PPIG: variants seen among roughly 807,000 people sequenced by gnomAD.
The protein encoded by PPIG is peptidyl-prolyl cis-trans isomerase G.
A neutral mutation model predicts 87.9 loss-of-function variants in PPIG; 26 were observed. The observed-to-expected ratio is 0.30, with a 90% confidence interval of 0.22 to 0.41. PPIG has a LOEUF of 0.41. Among genes scored for constraint, PPIG ranks in the 10% least tolerant of loss-of-function variants. PPIG has a pLI of 1.00. For missense variants in PPIG, 722 were observed against 879.4 expected (o/e 0.82, Z 2.26); for synonymous variants, 308 against 276.5 (o/e 1.11, Z -1.13).
chr2:169,617,657 C>A (rs1484570061), intron 9 of PPIG, among the ~76,000 whole-genome samples: 1 of 151,778 alleles, frequency 6.6e-6, no homozygotes, highest in Admixed American at 6.6e-5. Flanking sequence ...GACTCTCTGT[C>A]TGTTATTGGT....
intron 1 of PPIG, among the ~76,000 whole-genome samples, chr2:169,587,333 C>A (rs1364391473): frequency 6.6e-6 from 1 of 152,078 alleles, no homozygotes; most frequent in Non-Finnish European, 1.5e-5. Context: ...CCTCCGCCTC[C>A]CGGGTTCAAG....
At chr2:169,593,061 A>G (rs1684911313) in intron 1 of PPIG, among the ~76,000 whole-genome samples, 1 of 152,186 alleles carries the variant, frequency 6.6e-6, no homozygotes, top group Admixed American at 6.5e-5. Context: ...CTTGAGTGAT[A>G]GACTCTGAAT....
At chr2:169,598,216 C>G (rs923508761) in intron 1 of PPIG, among the ~76,000 whole-genome samples, 1 of 152,040 alleles carries the variant, frequency 6.6e-6, no homozygotes, top group Non-Finnish European at 1.5e-5. Context: ...CCAGGCTGGT[C>G]TCAAACTCCT....
chr2:169,637,316 A>G lies in PPIG; in HGVS notation c.2058A>G (p.Gln686=), dbSNP rs745477721. 6.2e-7 allele frequency: 1 copy of G among 1,606,482 alleles called. No homozygotes were observed. Among genetic ancestry groups the G allele is most frequent in the Non-Finnish European group, 8.5e-7 (1 of 1,178,376 alleles). Residue 686 remains glutamine, a synonymous_variant, in exon 14 of 14, where the codon CAA becomes CAG. Transcript: ENST00000260970. ...GGGAAAAAAAGGCTGATAGAGATCA[A>G]AGTCCCTTCTCAAAAATAAAACAAA... is the stretch of plus-strand genomic sequence containing the variant. The part of the protein sequence containing the change: ...NSREKKADRD[Q]SPFSKIKQSS...
At chr2:169,591,955 C>A (rs1349023126) in intron 1 of PPIG, among the ~76,000 whole-genome samples, 2 of 104,890 alleles carry the variant, frequency 1.9e-5, no homozygotes, top group African/African-American at 3.8e-5. Flanking sequence ...TGAACAGAGT[C>A]TCACTCTGTT....
chr2:169,609,571 AAAGGTT>A (rs1190563999), intron 7 of PPIG, among the ~76,000 whole-genome samples: 1 of 152,194 alleles, frequency 6.6e-6, no homozygotes, highest in Non-Finnish European at 1.5e-5. Context: ...GAGCCAGGTT[AAAGGTT>A]TCCCACTAGC....
In PPIG at chr2:169,614,736, G is replaced by T. The variant is rs1350116179; in HGVS notation, c.547+12G>T. The T allele has an allele frequency of 6.3e-7, 1 of 1,590,506 alleles. No homozygotes were observed. On this transcript the variant is annotated intron_variant, in intron 9 of 13. Coordinates refer to ENST00000260970, the MANE Select transcript of PPIG (RefSeq NM_004792.3). ...TCCCAAATCTAAAGGTAAAAAGGAA[G>T]TACATATTTCTGAGAATACTTACAC...
chr2:169,595,721 G>A (rs1339832870), intron 1 of PPIG, among the ~76,000 whole-genome samples: 1 of 152,146 alleles, frequency 6.6e-6, no homozygotes, highest in Non-Finnish European at 1.5e-5. Flanking sequence ...TTCCATCCAT[G>A]TTGTTACAAA....
intron 9 of PPIG, among the ~76,000 whole-genome samples, chr2:169,628,476 C>T (rs999448221): frequency 8.5e-5 from 13 of 152,160 alleles, no homozygotes; most frequent in African/African-American, 2.2e-4. Flanking sequence ...TTTCATGTAT[C>T]TTGGGTTTAG....
At position 169,637,038 on chromosome 2, in the gene PPIG, A is replaced by G. The variant is rs1192548672; in HGVS notation, c.1780A>G (p.Arg594Gly). ...CAGAAGCAAGGAGTACCATAGATAC[A>G]GAGAACAGGAATACAGGAGAAGAGG... ...RSRSKEYHRY[R>G]EQEYRRRGRS... The change falls in exon 14 of 14, where the codon AGA (arginine) becomes GGA (glycine). Residue 594 changes from arginine to glycine, a missense_variant. Around this residue, in one of 4 missense-constraint regions of PPIG, gnomAD observed 476 missense variants for 483.1 expected, o/e 0.99. Coordinates refer to ENST00000260970, the MANE Select transcript of PPIG (RefSeq NM_004792.3). 12 of 1,613,912 alleles carry G rather than the reference A, an allele frequency of 7.4e-6. No homozygotes were observed. The highest frequency in any genetic ancestry group is 1.0e-5 in the Non-Finnish European group (12 of 1,179,956).
intron 7 of PPIG, among the ~76,000 whole-genome samples, chr2:169,611,499 ACAT>A (rs1407884443): frequency 1.3e-5 from 2 of 152,206 alleles, no homozygotes; most frequent in African/African-American, 4.8e-5. Flanking sequence ...GCTCCAATGA[ACAT>A]TGTTGTGCCT....
Position 169,638,359 on chromosome 2 carries a change from TCTCATTAAAACATA to T in PPIG, c.*838_*851del. 1 of 152,148 alleles carries T rather than the reference TCTCATTAAAACATA, an allele frequency of 6.6e-6. No homozygotes were observed. Among genetic ancestry groups the T allele is most frequent in the East Asian group, 1.9e-4 (1 of 5,182 alleles). The allele number at this position is 152,148 out of a possible 1,614,324, so 9.4% of individuals were successfully genotyped here. A position where few individuals can be genotyped will look rare whatever the true frequency, so the allele number is the denominator to read the frequency against. On this transcript the variant is annotated 3_prime_UTR_variant, in exon 14 of 14. Transcript: ENST00000260970. ...TAAACTTTAAAAAAAAAAAAGCTTTTCTCATTAAAACATACCATTTGTGCAGGTCCTTAAGCTAT... is the reference window on the plus strand; with the variant it reads ...TAAACTTTAAAAAAAAAAAAGCTTTTCCATTTGTGCAGGTCCTTAAGCTAT...
chr2:169,636,276 T>G, intron 13 of PPIG, 48 bp downstream of exon 13: 1 of 1,539,516 alleles, frequency 6.5e-7, no homozygotes, highest in Non-Finnish European at 8.7e-7. Flanking sequence ...AGTGTTTGCT[T>G]TTACTATTAT....
intron 1 of PPIG, among the ~76,000 whole-genome samples, chr2:169,601,863 T>C (rs988608370): frequency 3.3e-5 from 5 of 151,582 alleles, no homozygotes; most frequent in Non-Finnish European, 4.4e-5. Context: ...CATTGAGATA[T>C]GCTTCAAGGA....
chr2:169,606,608 A>AAAAAAAAAAC (rs1685335314), intron 5 of PPIG, among the ~76,000 whole-genome samples: 1 of 148,692 alleles, frequency 6.7e-6, no homozygotes, highest in Non-Finnish European at 1.5e-5. Context: ...AAAAAAAAAA[A>AAAAAAAAAAC]GAAGGAAGCT....
chr2:169,602,612 C>G lies in PPIG; in HGVS notation c.-69-1030C>G, dbSNP rs186772114. ...CAGGCGTGAGCCACCGCACCCGGCC[C>G]AAAATTAGCCTGTTTTTGTTTGTCA... On this transcript the variant is annotated intron_variant, in intron 1 of 13. Transcript: ENST00000260970. Among the ~76,000 whole-genome samples, 65 of 152,244 alleles carry G rather than the reference C, an allele frequency of 4.3e-4. 2 individuals carry two copies. The East Asian group carries it at 0.013, about 29-fold the overall frequency.
At position 169,625,518 on chromosome 2, in the gene PPIG, AT is replaced by A. The variant is rs558173110; in HGVS notation, c.548-5246del. On this transcript the variant is annotated intron_variant, in intron 9 of 13. Transcript: ENST00000260970. ...TCTTTCACCTTTGCCAGCCTAATGG[AT>A]TTTTTTTTTAACAAATGCTAGTTTC... Among the ~76,000 whole-genome samples, 48 of 150,104 alleles carry A rather than the reference AT, an allele frequency of 3.2e-4. 1 individual carries two copies. The Middle Eastern group carries it at 0.01, about 32-fold the overall frequency.
chr2:169,585,268 G>GTTTTTTTTTTTTTTTT (rs1476229562), intron 1 of PPIG, among the ~76,000 whole-genome samples: 14 of 22,096 alleles, frequency 6.3e-4, no homozygotes, highest in East Asian at 3.1e-3. Context: ...TTCTTGGTTA[G>GTTTTTTTTTTTTTTTT]TCTTTTTTTT....
intron 9 of PPIG, among the ~76,000 whole-genome samples, chr2:169,627,632 T>A (rs1685926095): frequency 6.6e-6 from 1 of 151,206 alleles, no homozygotes. Context: ...GCTTAAGTGA[T>A]TCTCCCTGCT....
Sources: gnomAD v4.1 joint callset for allele counts (sites outside exome capture counted in the v4.1 genomes callset) on GRCh38, gnomAD v4.1.1 for gene constraint, gnomAD v4.1.1 regional missense constraint, MANE v1.5 for transcripts, NCBI Gene and HGNC (gene_info 2026-07-23, HGNC 2026-07-21) for gene names.